Variants in FNDC1 observed in about 807,000 individuals in gnomAD.
The protein encoded by FNDC1 is fibronectin type III domain-containing protein 1.
FNDC1 carries 96 observed loss-of-function variants against 168.0 expected under a neutral mutation model. That is an observed-to-expected ratio of 0.57 (90% CI 0.48 to 0.68). FNDC1 has a LOEUF of 0.68. FNDC1 is among the 30% of genes least tolerant of loss of function. FNDC1 has a pLI of 0.00. For missense variants in FNDC1, 2,587 were observed against 2,482.1 expected, an observed-to-expected ratio of 1.04 and a Z score of -0.90; for synonymous variants, 1,099 against 1,025.9, an observed-to-expected ratio of 1.07 and a Z score of -1.36.
At chr6:159,240,542 A>G (rs566108313) in intron 14 of FNDC1, among the ~76,000 whole-genome samples, 12 of 152,302 alleles carry the variant, frequency 7.9e-5, no homozygotes, top group South Asian at 6.2e-4. Flanking sequence ...GAGAATGCCA[A>G]TCCTCATGTA....
At chr6:159,222,513 CA>C (rs1489932128) in intron 6 of FNDC1, among the ~76,000 whole-genome samples, 2 of 152,182 alleles carry the variant, frequency 1.3e-5, no homozygotes, top group East Asian at 3.9e-4. Context: ...AAAAACGAAA[CA>C]AAAAACTAAA....
At chr6:159,176,951 A>G (rs1781773408) in intron 1 of FNDC1, among the ~76,000 whole-genome samples, 1 of 152,144 alleles carries the variant, frequency 6.6e-6, no homozygotes, top group African/African-American at 2.4e-5. Context: ...TCTTTGTTTC[A>G]TGTTTTCTGA....
At chr6:159,225,856 T>G in intron 8 of FNDC1, 134 bp downstream of exon 8, 1 of 783,908 alleles carries the variant, frequency 1.3e-6, no homozygotes, top group Middle Eastern at 2.5e-4. Flanking sequence ...ATCCTAAATT[T>G]TGGTAGAGTT....
chr6:159,195,047 G>A (rs887443641), intron 1 of FNDC1, among the ~76,000 whole-genome samples: 1 of 152,078 alleles, frequency 6.6e-6, no homozygotes, highest in Admixed American at 6.5e-5. Context: ...GTGGGTGGGA[G>A]GAGGAGGTCG....
At chr6:159,234,773 C>G (rs1465813373) in intron 11 of FNDC1, among the ~76,000 whole-genome samples, 1 of 152,240 alleles carries the variant, frequency 6.6e-6, no homozygotes, top group Middle Eastern at 3.2e-3. Context: ...CATTACTAAC[C>G]CACATTGCCT....
At chr6:159,240,156 A>G (rs1417336751) in intron 14 of FNDC1, among the ~76,000 whole-genome samples, 199 bp downstream of exon 14, 1 of 136,294 alleles carries the variant, frequency 7.3e-6, no homozygotes, top group African/African-American at 2.7e-5. Context: ...AAATAAAAAT[A>G]TTACATGGGA....
At chr6:159,208,082 A>G (rs894010840) in intron 4 of FNDC1, among the ~76,000 whole-genome samples, 3 of 152,162 alleles carry the variant, frequency 2.0e-5, no homozygotes, top group African/African-American at 7.2e-5. Flanking sequence ...AGATGCTTCT[A>G]ATGACTCTAT....
At chr6:159,196,061 A>G (rs1248639589) in intron 1 of FNDC1, among the ~76,000 whole-genome samples, 1 of 152,236 alleles carries the variant, frequency 6.6e-6, no homozygotes, top group African/African-American at 2.4e-5. Flanking sequence ...AAAATTAAAG[A>G]ACAGTAACCA....
At position 159,246,907 on chromosome 6, in the gene FNDC1, T is replaced by A; in HGVS notation, c.4628T>A (p.Phe1543Tyr). Residue 1543 changes from phenylalanine (F) to tyrosine (Y), a missense_variant, in exon 15 of 23, where the codon TTC becomes TAC. Coordinates refer to ENST00000297267, the MANE Select transcript of FNDC1 (RefSeq NM_032532.3). ...IPECYAEEDEFSGLETDTAVP... is the reference protein window; with the variant it reads ...IPECYAEEDEYSGLETDTAVP... ...TTTTCTCTGTCCTCACTAGATGAGT[T>A]CTCAGGCTTGGAGACTGACACTGCA... 2.5e-6 allele frequency: 4 copies of A among 1,611,758 alleles called. No individual in the cohort carries two copies. Among genetic ancestry groups the A allele is most frequent in the Non-Finnish European group, 2.5e-6 (3 of 1,177,858 alleles).
At chr6:159,220,471 C>G (rs1314233188) in intron 5 of FNDC1, among the ~76,000 whole-genome samples, 1 of 152,058 alleles carries the variant, frequency 6.6e-6, no homozygotes, top group Admixed American at 6.6e-5. Context: ...GCAACAGGAG[C>G]CTTGGTCAGA....
intron 4 of FNDC1, among the ~76,000 whole-genome samples, chr6:159,210,500 A>G (rs1782580083): frequency 6.6e-6 from 1 of 152,240 alleles, no homozygotes; most frequent in Non-Finnish European, 1.5e-5. Context: ...AAACCAGTAC[A>G]TAGTTACAAG....
intron 4 of FNDC1, among the ~76,000 whole-genome samples, chr6:159,203,760 A>G (rs1011030023): frequency 6.6e-6 from 1 of 152,134 alleles, no homozygotes; most frequent in African/African-American, 2.4e-5. Flanking sequence ...TTTGTGTAAC[A>G]GGATCTGGGT....
intron 17 of FNDC1, among the ~76,000 whole-genome samples, chr6:159,255,057 C>A (rs571129682): frequency 4.4e-4 from 67 of 152,322 alleles, no homozygotes; most frequent in Non-Finnish European, 8.4e-4. Context: ...CCAATCCATT[C>A]GGCATTCTGC....
chr6:159,238,601 C>T lies in FNDC1; in HGVS notation c.4116C>T (p.Tyr1372=). The T allele has an allele frequency of 6.2e-7, 1 of 1,611,994 alleles. No individual in the cohort carries two copies. Among genetic ancestry groups the T allele is most frequent in the Non-Finnish European group, 8.5e-7 (1 of 1,179,230 alleles). The change falls in exon 13 of 23, where the codon TAC becomes TAT. Residue 1372 remains tyrosine, a synonymous_variant. Coordinates refer to ENST00000297267, the MANE Select transcript of FNDC1 (RefSeq NM_032532.3). ...TAGTATTGAATGCAGAAGGAAGGTA[C>T]CTCCAAGATTCACATGGAAATCCTC... ...RGLVLNAEGR[Y]LQDSHGNPLR...
intron 13 of FNDC1, among the ~76,000 whole-genome samples, chr6:159,239,232 C>T (rs1205968630): frequency 2.6e-5 from 4 of 152,086 alleles, no homozygotes; most frequent in African/African-American, 9.7e-5. Flanking sequence ...TTAACATATT[C>T]GCTTCCTGGC....
At chr6:159,179,958 C>T (rs73021829) in intron 1 of FNDC1, among the ~76,000 whole-genome samples, 2,989 of 152,214 alleles carry the variant, frequency 0.02, 54 homozygotes, top group Non-Finnish European at 0.034. Flanking sequence ...TCAGCATATG[C>T]GTTAGTGAGA....
chr6:159,221,108 C>A (rs1249334957), intron 5 of FNDC1, among the ~76,000 whole-genome samples: 1 of 152,174 alleles, frequency 6.6e-6, no homozygotes, highest in African/African-American at 2.4e-5. Context: ...GCACAGCATT[C>A]CACAGGGAAA....
chr6:159,261,613 CAT>C (rs1332622673), intron 19 of FNDC1, among the ~76,000 whole-genome samples: 3 of 152,228 alleles, frequency 2.0e-5, no homozygotes, highest in East Asian at 1.9e-4. Context: ...GAAGAACACA[CAT>C]GTCATGTGGC....
chr6:159,213,585 G>C (rs1782649932), intron 4 of FNDC1, among the ~76,000 whole-genome samples: 1 of 152,066 alleles, frequency 6.6e-6, no homozygotes, highest in African/African-American at 2.4e-5. Flanking sequence ...CAGAGTTCAG[G>C]GCAGAGGATG....
Sources: allele counts gnomAD v4.1 joint callset (sites outside exome capture counted in the v4.1 genomes callset), GRCh38; gene constraint gnomAD v4.1.1; transcripts MANE v1.5; gene names NCBI Gene and HGNC (gene_info 2026-07-23, HGNC 2026-07-21).